The following PCDH15 variants were observed in gnomAD, a reference collection of about 807,000 sequenced individuals.
The protein encoded by PCDH15 is protocadherin related 15, also known as protocadherin-15.
Under a neutral mutation model 178.5 loss-of-function variants are expected in PCDH15, and 129 were observed. The observed-to-expected ratio is 0.72, with a 90% confidence interval of 0.63 to 0.84. The LOEUF (loss-of-function observed/expected upper bound fraction) is 0.84. Ranked by LOEUF, PCDH15 falls within the 40% of genes least tolerant of loss-of-function variation. The pLI is 0.00. For synonymous variants in PCDH15, 800 were observed against 732.0 expected (o/e 1.09, Z -1.50); for missense variants, 2,230 against 2,099.9 (o/e 1.06, Z -1.21).
chr10:54,461,566 A>G (rs770358363), intron 3 of PCDH15, among the ~76,000 whole-genome samples: 38 of 152,200 alleles, frequency 2.5e-4, no homozygotes, highest in Admixed American at 2.1e-3. Flanking sequence ...ATATAGCAAC[A>G]CATGTTGTCA....
At chr10:53,825,087 G>C in intron 32 of PCDH15, 1 of 1,513,028 alleles carries the variant, frequency 6.6e-7, no homozygotes, top group Non-Finnish European at 8.9e-7. Flanking sequence ...CTGTTCTATT[G>C]TATCTATTTT....
At chr10:54,852,375 T>A (rs1193244518) in intron 3 of PCDH15, among the ~76,000 whole-genome samples, 1 of 152,102 alleles carries the variant, frequency 6.6e-6, no homozygotes. Context: ...CATAAAGTGA[T>A]TACTGCAATA....
At chr10:54,281,285 G>A (rs1289467689) in intron 8 of PCDH15, among the ~76,000 whole-genome samples, 2 of 151,766 alleles carry the variant, frequency 1.3e-5, no homozygotes, top group East Asian at 3.9e-4. Flanking sequence ...TATTTCCCTT[G>A]ATGTGAAAAA....
intron 5 of PCDH15, among the ~76,000 whole-genome samples, chr10:54,360,782 T>C (rs1945897744): frequency 6.6e-6 from 1 of 152,076 alleles, no homozygotes; most frequent in African/African-American, 2.4e-5. Flanking sequence ...TCATGATCAA[T>C]TAAAGGGCAT....
At chr10:54,569,755 T>C (rs1239117181) in intron 2 of PCDH15, among the ~76,000 whole-genome samples, 1 of 152,108 alleles carries the variant, frequency 6.6e-6, no homozygotes, top group African/African-American at 2.4e-5. Context: ...ATAAGGAAGC[T>C]TGAAAAAGGG....
chr10:55,442,188 C>T (rs1268425277), intron 2 of PCDH15, among the ~76,000 whole-genome samples: 2 of 151,812 alleles, frequency 1.3e-5, no homozygotes, highest in Non-Finnish European at 2.9e-5. Context: ...GAAAAGAGAA[C>T]TGCAGAGCAA....
At chr10:54,731,562 A>ATATATATATATATATATG (rs1943375610) in intron 1 of PCDH15, among the ~76,000 whole-genome samples, 1 of 53,104 alleles carries the variant, frequency 1.9e-5, no homozygotes, top group South Asian at 8.0e-4. Context: ...ATATATATAT[A>ATATATATATATATATATG]TACACACACA....
intron 2 of PCDH15, among the ~76,000 whole-genome samples, chr10:55,584,810 C>T (rs1029929101): frequency 6.6e-6 from 1 of 151,188 alleles, no homozygotes. Context: ...ACAGTTGGAT[C>T]GATTTTAAAC....
chr10:55,607,306 T>C (rs1458091256), intron 2 of PCDH15, among the ~76,000 whole-genome samples: 1 of 151,256 alleles, frequency 6.6e-6, no homozygotes, highest in Non-Finnish European at 1.5e-5. Flanking sequence ...GGTGGGACTG[T>C]AAACTAGTTC....
At chr10:54,999,621 G>C (rs370796733) in intron 2 of PCDH15, among the ~76,000 whole-genome samples, 2 of 152,288 alleles carry the variant, frequency 1.3e-5, no homozygotes, top group African/African-American at 4.8e-5. Flanking sequence ...CTTCAGAGAT[G>C]GTGGGAGCCA....
At chr10:54,192,015 A>T (rs2049049926) in intron 11 of PCDH15, among the ~76,000 whole-genome samples, 1 of 137,344 alleles carries the variant, frequency 7.3e-6, no homozygotes, top group Admixed American at 7.4e-5. Context: ...GGAGAGAGAA[A>T]GAAAAAAATA....
intron 20 of PCDH15, among the ~76,000 whole-genome samples, chr10:54,009,148 G>C (rs777182727): frequency 6.6e-6 from 1 of 151,946 alleles, no homozygotes; most frequent in African/African-American, 2.4e-5. Flanking sequence ...AGAAAAATCA[G>C]GTTACCCCAG....
chr10:54,090,110 C>T (rs1469179256), intron 15 of PCDH15, 47 bp from the exon 16 acceptor site: 1 of 1,363,636 alleles, frequency 7.3e-7, no homozygotes, highest in Non-Finnish European at 1.0e-6. Flanking sequence ...TGATATGGCG[C>T]CCACTCATTA....
intron 1 of PCDH15, among the ~76,000 whole-genome samples, chr10:55,171,809 T>C (rs1000639162): frequency 6.6e-6 from 1 of 151,990 alleles, no homozygotes; most frequent in African/African-American, 2.4e-5. Context: ...AGGATTTGAT[T>C]AGTGATCTAG....
chr10:55,598,753 C>T (rs1842996737), intron 2 of PCDH15, among the ~76,000 whole-genome samples: 1 of 151,580 alleles, frequency 6.6e-6, no homozygotes, highest in Non-Finnish European at 1.5e-5. Flanking sequence ...CACACAAGCC[C>T]GTCACCCTCT....
At chr10:54,735,923 G>T (rs1367230214) in intron 1 of PCDH15, among the ~76,000 whole-genome samples, 1 of 140,712 alleles carries the variant, frequency 7.1e-6, no homozygotes, top group Admixed American at 7.3e-5. Flanking sequence ...GCTAGATGAC[G>T]AGTTAGTGGG....
intron 2 of PCDH15, among the ~76,000 whole-genome samples, chr10:54,927,523 T>A (rs1019631302): frequency 3.3e-5 from 5 of 151,826 alleles, no homozygotes; most frequent in African/African-American, 1.2e-4. Context: ...TGTCTAAAAC[T>A]GTTAATGAAG....
At chr10:55,161,305 G>A (rs1018893263) in intron 2 of PCDH15, among the ~76,000 whole-genome samples, 1 of 152,152 alleles carries the variant, frequency 6.6e-6, no homozygotes, top group African/African-American at 2.4e-5. Flanking sequence ...TAGAGAGTTT[G>A]AGATTTAAGT....
intron 23 of PCDH15, among the ~76,000 whole-genome samples, chr10:53,950,926 C>T (rs529383418): frequency 4.5e-4 from 69 of 152,000 alleles, no homozygotes; most frequent in Non-Finnish European, 9.1e-4. Flanking sequence ...GAGTATGCCT[C>T]TCAGATCTTC....
Sources: allele counts gnomAD v4.1 joint callset (sites outside exome capture counted in the v4.1 genomes callset), GRCh38; gene constraint gnomAD v4.1.1; transcripts MANE v1.5; gene names NCBI Gene and HGNC (gene_info 2026-07-23, HGNC 2026-07-21).